The following EFCAB5 variants were observed in gnomAD, a reference collection of about 807,000 sequenced individuals.
The protein encoded by EFCAB5 is EF-hand calcium-binding domain-containing protein 5.
A neutral mutation model predicts 167.9 loss-of-function variants in EFCAB5; 131 were observed. The observed-to-expected ratio is 0.78, with a 90% CI of 0.68 to 0.90. The LOEUF is 0.90. EFCAB5 is among the 40% of genes least tolerant of loss of function. The pLI, the probability that EFCAB5 is intolerant of heterozygous loss-of-function variation, is 0.00. For missense variants in EFCAB5, 1,663 were observed against 1,745.2 expected (o/e 0.95, Z 0.84); for synonymous variants, 574 against 602.8 (o/e 0.95, Z 0.70).
chr17:30,053,908 G>C lies in EFCAB5; in HGVS notation c.1954G>C (p.Glu652Gln). 1 of 1,613,994 alleles carries C rather than the reference G, an allele frequency of 6.2e-7. No individual in the cohort carries two copies. The highest frequency in any genetic ancestry group is 8.5e-7 in the Non-Finnish European group (1 of 1,179,892). ...SVIEEPYQKS[E>Q]QGPYGEIISE... is the part of the protein sequence containing the mutation. ...AATAGAAGAACCATACCAAAAATCA[G>C]AACAAGGACCTTATGGAGAGATAAT... is the stretch of plus-strand genomic sequence containing the variant. Residue 652 changes from glutamate (E) to glutamine (Q), a missense_variant, in exon 10 of 23, where the codon GAA (glutamate) becomes CAA (glutamine). Transcript: ENST00000394835.
In EFCAB5 at chr17:30,053,968, C is replaced by A. The variant is rs757978670; in HGVS notation, c.2014C>A (p.Gln672Lys). 6.2e-7 allele frequency: 1 copy of A among 1,613,798 alleles called. No individual in the cohort carries two copies. Among genetic ancestry groups the A allele is most frequent in the South Asian group, 1.1e-5 (1 of 91,072 alleles). Residue 672 changes from glutamine (Q) to lysine (K), a missense_variant, in exon 10 of 23, where the codon CAA becomes AAA. Coordinates refer to ENST00000394835, the MANE Select transcript of EFCAB5 (RefSeq NM_198529.4). ...GCAAGAAGACATAGGCTCAACTTCACAATCAAGAAAAGATAGTATCTTAAA... is the reference window on the plus strand; with the variant it reads ...GCAAGAAGACATAGGCTCAACTTCAAAATCAAGAAAAGATAGTATCTTAAA... The part of the protein sequence containing the change: ...EEQEDIGSTS[Q>K]SRKDSILKST...
intron 22 of EFCAB5, among the ~76,000 whole-genome samples, chr17:30,100,709 G>A (rs2071370695): frequency 6.6e-6 from 1 of 152,060 alleles, no homozygotes; most frequent in African/African-American, 2.4e-5. Context: ...GGAGGTTGCA[G>A]TGAGCCAAGA....
At chr17:29,963,263 T>C (rs2067758773) in intron 3 of EFCAB5, among the ~76,000 whole-genome samples, 1 of 152,214 alleles carries the variant, frequency 6.6e-6, no homozygotes, top group South Asian at 2.1e-4. Flanking sequence ...TTTAAATAAC[T>C]ACCTTTATTA....
At chr17:30,040,598 C>G (rs1212992266) in intron 8 of EFCAB5, among the ~76,000 whole-genome samples, 2 of 152,060 alleles carry the variant, frequency 1.3e-5, no homozygotes, top group Non-Finnish European at 2.9e-5. Context: ...TACCATACAT[C>G]CAGAAGTTAA....
At chr17:29,933,829 A>G (rs1251835772) in intron 1 of EFCAB5, among the ~76,000 whole-genome samples, 2 of 152,196 alleles carry the variant, frequency 1.3e-5, no homozygotes, top group East Asian at 1.9e-4. Flanking sequence ...CAAGGTGAAG[A>G]ATCCTGATCT....
chr17:30,000,275 A>G (rs1184096478), intron 7 of EFCAB5, among the ~76,000 whole-genome samples: 1 of 152,178 alleles, frequency 6.6e-6, no homozygotes, highest in Non-Finnish European at 1.5e-5. Flanking sequence ...AATGAGATCT[A>G]AAACTTACAA....
chr17:30,007,888 G>C (rs1433536485), intron 7 of EFCAB5, among the ~76,000 whole-genome samples: 1 of 152,160 alleles, frequency 6.6e-6, no homozygotes, highest in Non-Finnish European at 1.5e-5. Flanking sequence ...TCAGGAGGCT[G>C]AGACCTAGGA....
intron 7 of EFCAB5, among the ~76,000 whole-genome samples, chr17:30,017,944 C>T (rs1256235529): frequency 5.9e-5 from 9 of 152,064 alleles, no homozygotes; most frequent in Non-Finnish European, 2.9e-5. Flanking sequence ...TTGCTATTCC[C>T]AAATTATTTA....
At chr17:29,973,974 A>G (rs1016200819) in intron 4 of EFCAB5, among the ~76,000 whole-genome samples, 16 of 151,616 alleles carry the variant, frequency 1.1e-4, no homozygotes, top group East Asian at 2.0e-4. Flanking sequence ...CCTGGCCAAC[A>G]TGGTGAAACC....
intron 16 of EFCAB5, among the ~76,000 whole-genome samples, 196 bp downstream of exon 16, chr17:30,080,437 T>G (rs1017933469): frequency 2.0e-5 from 3 of 152,228 alleles, no homozygotes; most frequent in Non-Finnish European, 2.9e-5. Context: ...TGGTAATGAT[T>G]CGCCACATGG....
intron 14 of EFCAB5, chr17:30,069,686 T>C (rs2070678781): frequency 1.5e-6 from 2 of 1,316,596 alleles, no homozygotes; most frequent in Admixed American, 2.0e-5. Context: ...TCACAGGCTG[T>C]GTACTCTCAT....
intron 21 of EFCAB5, 131 bp from the exon 22 acceptor site, chr17:30,092,709 C>G: frequency 1.7e-6 from 1 of 598,384 alleles, no homozygotes; most frequent in Non-Finnish European, 2.8e-6. Context: ...ATCATCTTCA[C>G]TTCTAACACC....
At chr17:30,107,087 A>C (rs2071458893) in intron 22 of EFCAB5, among the ~76,000 whole-genome samples, 1 of 152,254 alleles carries the variant, frequency 6.6e-6, no homozygotes, top group South Asian at 2.1e-4. Context: ...TCATCTGTTC[A>C]ACTCTATATA....
chr17:30,097,957 C>T (rs1330642512), intron 22 of EFCAB5, among the ~76,000 whole-genome samples: 1 of 152,042 alleles, frequency 6.6e-6, no homozygotes, highest in Non-Finnish European at 1.5e-5. Flanking sequence ...TGTTTTGAGA[C>T]AGGGCCCCCC....
intron 4 of EFCAB5, among the ~76,000 whole-genome samples, chr17:29,974,346 C>T (rs1003076837): frequency 1.3e-5 from 2 of 151,678 alleles, no homozygotes; most frequent in African/African-American, 4.8e-5. Flanking sequence ...CGAGACCAGC[C>T]TGGGCAACAT....
intron 7 of EFCAB5, among the ~76,000 whole-genome samples, chr17:30,021,538 A>T (rs573929291): frequency 6.4e-4 from 96 of 150,552 alleles, no homozygotes; most frequent in Non-Finnish European, 1.2e-3. Context: ...ATATAAACAA[A>T]TATAATTTTG....
At chr17:30,002,184 AT>A (rs1179575671) in intron 7 of EFCAB5, among the ~76,000 whole-genome samples, 2 of 152,234 alleles carry the variant, frequency 1.3e-5, no homozygotes, top group East Asian at 3.9e-4. Flanking sequence ...ATGTTTTAAA[AT>A]TTTTTTATTT....
chr17:30,108,320 G>A lies in EFCAB5; in HGVS notation c.*296G>A, dbSNP rs554757812. The A allele has an allele frequency of 7.9e-5, 16 of 203,688 alleles. No individual in the cohort carries two copies. The highest frequency in any genetic ancestry group is 2.5e-4 in the Admixed American group (4 of 16,222). 12.6% of individuals were successfully genotyped at this position (203,688 alleles called of 1,614,324 possible). On this transcript the variant is annotated 3_prime_UTR_variant, in exon 23 of 23. Transcript: ENST00000394835. ...GCTGTGGAACTGTTATGGTTGATTG[G>A]GTAGTTATTTTTCATTCTTATAAGG...
intron 13 of EFCAB5, 30 bp downstream of exon 13, chr17:30,057,920 G>T: frequency 6.3e-7 from 1 of 1,581,112 alleles, no homozygotes; most frequent in Non-Finnish European, 8.6e-7. Flanking sequence ...AATGATACAA[G>T]TGAGGTCACT....
Sources: gnomAD v4.1 joint callset for allele counts (sites outside exome capture counted in the v4.1 genomes callset) on GRCh38, gnomAD v4.1.1 for gene constraint, MANE v1.5 for transcripts, NCBI Gene and HGNC (gene_info 2026-07-23, HGNC 2026-07-21) for gene names.